ZNF512B: variants seen among roughly 807,000 people sequenced by gnomAD.
ZNF512B encodes the protein zinc finger protein 512B.
In ZNF512B, 22 loss-of-function variants were observed where a neutral mutation model predicts 87.8. The observed-to-expected ratio is 0.25, with a 90% CI of 0.18 to 0.36. The LOEUF is 0.36. Ranked by LOEUF, ZNF512B falls within the 10% of genes least tolerant of loss-of-function variation. The probability of loss-of-function intolerance (pLI) is 1.00; values close to 1 mark genes in which losing one functional copy is unlikely to be tolerated. For synonymous variants in ZNF512B, 524 were observed against 490.9 expected (o/e 1.07, Z -0.89); for missense variants, 1,060 against 1,231.6 (o/e 0.86, Z 2.09).
rs768413532 is a variant in ZNF512B at position 63,963,203 on chromosome 20, C to A, written c.1860G>T (p.Lys620Asn). 1 of 1,546,914 alleles carries A rather than the reference C, an allele frequency of 6.5e-7. No individual in the cohort carries two copies. Among genetic ancestry groups the A allele is most frequent in the Non-Finnish European group, 8.7e-7 (1 of 1,150,208 alleles). The change falls in exon 12 of 17, where the codon AAG becomes AAT. Residue 620 changes from lysine (K) to asparagine (N), a missense_variant. By Grantham distance (94) the Lys-to-Asn change is moderately conservative. Transcript: ENST00000369888. Reference sequence around the variant, plus strand: ...AGGGGCTGTCCACCTCGCAGGGCGGCTTCCCGCAGCGCCGCTGGTGGTACT... The same window carrying A: ...AGGGGCTGTCCACCTCGCAGGGCGGATTCCCGCAGCGCCGCTGGTGGTACT... ...GYQYHQRRCG[K>N]PPCEVDSPSF...
At chr20:63,962,240 C>A in intron 14 of ZNF512B, 33 bp downstream of exon 14, 1 of 1,571,034 alleles carries the variant, frequency 6.4e-7, no homozygotes, top group South Asian at 1.2e-5. Flanking sequence ...CTGTATGGCT[C>A]CCCACGCCCC....
chr20:63,961,886 G>T lies in ZNF512B; in HGVS notation c.2328+56C>A. Reference sequence around the variant, plus strand: ...ACTGTGTGGGAAGCCCGCGTGGGGTGAGCTGGGAGCTCTGAGTGCAGCGCA... The same window carrying T: ...ACTGTGTGGGAAGCCCGCGTGGGGTTAGCTGGGAGCTCTGAGTGCAGCGCA... On this transcript the variant is annotated intron_variant, in intron 15 of 16. Transcript: ENST00000369888. This position sits in a 1 kb window ranked among gnomAD's most constrained non-coding sequence, Gnocchi z 6.4. 3.3e-6 allele frequency: 5 copies of T among 1,533,224 alleles called. No individual in the cohort carries two copies. The allele number at this position is 1,533,224 out of a possible 1,614,324, so 95.0% of individuals were successfully genotyped here. A position where few individuals can be genotyped will look rare whatever the true frequency, so the allele number is the denominator to read the frequency against.
At chr20:63,962,028 G>A (rs372772057) in intron 14 of ZNF512B, 24 bp from the exon 15 acceptor site, 48 of 1,550,302 alleles carry the variant, frequency 3.1e-5, no homozygotes, top group African/African-American at 6.8e-5. Flanking sequence ...AGCCGTGGGC[G>A]AAGGCCTCTG....
At position 63,963,979 on chromosome 20, in the gene ZNF512B, G is replaced by C. The variant is rs779282883; in HGVS notation, c.1481-66C>G. ...CTGGGTGGCCCAGACGCCAGGCACAGAATCCAGTCTCCACACTCAGCCCCC... is the reference window on the plus strand; with the variant it reads ...CTGGGTGGCCCAGACGCCAGGCACACAATCCAGTCTCCACACTCAGCCCCC... On this transcript the variant is annotated intron_variant, in intron 8 of 16. Coordinates refer to ENST00000369888, the MANE Select transcript of ZNF512B (RefSeq NM_020713.3). 1,189 of 1,598,390 alleles carry C rather than the reference G, an allele frequency of 7.4e-4. 1 individual carries two copies. Among genetic ancestry groups the C allele is most frequent in the Non-Finnish European group, 1.0e-3 (1,173 of 1,178,200 alleles).
intron 3 of ZNF512B, 114 bp from the exon 4 acceptor site, chr20:63,967,118 C>T (rs1040266338): frequency 6.0e-6 from 9 of 1,494,224 alleles, no homozygotes; most frequent in Non-Finnish European, 8.1e-6. Context: ...CACATGAGCC[C>T]CTCAACCTCG....
chr20:63,958,080 G>A lies in ZNF512B; in HGVS notation c.*1808C>T, dbSNP rs981079344. 3 of 152,264 alleles carry A rather than the reference G, an allele frequency of 2.0e-5. No homozygotes were observed. The highest frequency in any genetic ancestry group is 2.9e-5 in the Non-Finnish European group (2 of 68,074). 9.4% of individuals were successfully genotyped at this position (152,264 alleles called of 1,614,324 possible). ...GGCACATCTGGCAAGGGCTGCTGAGGGTTGGAGCCTTCTGGCCCAAGGATG... is the reference window on the plus strand; with the variant it reads ...GGCACATCTGGCAAGGGCTGCTGAGAGTTGGAGCCTTCTGGCCCAAGGATG... On this transcript the variant is annotated 3_prime_UTR_variant, in exon 17 of 17. Transcript: ENST00000369888.
At position 63,963,284 on chromosome 20, in the gene ZNF512B, G is replaced by T; in HGVS notation, c.1798-19C>A. ...CGCAACCCTGGGGGTCAGGCCAGAG[G>T]GTGGGTGAGTGGCCAGCAGGGCCCC... On this transcript the variant is annotated intron_variant, in intron 11 of 16. Coordinates refer to ENST00000369888, the MANE Select transcript of ZNF512B (RefSeq NM_020713.3). The T allele has an allele frequency of 6.5e-7, 1 of 1,540,096 alleles. No homozygotes were observed. Among genetic ancestry groups the T allele is most frequent in the Non-Finnish European group, 8.7e-7 (1 of 1,146,256 alleles).
Position 63,966,302 on chromosome 20 carries a change from G to A in ZNF512B, c.873C>T (p.Thr291=). 6.2e-7 allele frequency: 1 copy of A among 1,604,232 alleles called. No individual in the cohort carries two copies. Among genetic ancestry groups the A allele is most frequent in the Non-Finnish European group, 8.5e-7 (1 of 1,172,664 alleles). ...LVTVTKPVPV[T]KPVTVSRPIV... The stretch of plus-strand genomic sequence containing the variant: ...TGGGCCTGCTGACTGTCACTGGCTT[G>A]GTGACCGGCACGGGTTTCGTAACTG... The change falls in exon 5 of 17, where the codon ACC becomes ACT. Residue 291 remains threonine, a synonymous_variant. Transcript: ENST00000369888.
In ZNF512B at chr20:63,964,222, G is replaced by A. The variant is rs371346267; in HGVS notation, c.1334-5C>T. The A allele has an allele frequency of 1.1e-5, 17 of 1,606,404 alleles. No homozygotes were observed. The African/African-American group carries it at 2.1e-4, about 20-fold the overall frequency. ...TGTCCTCAGCTTTGACCAGGCCTGT[G>A]TGCACACATGGGGTGGAGAGAAACA... is the stretch of plus-strand genomic sequence containing the variant. On this transcript the variant is annotated splice_polypyrimidine_tract_variant and splice_region_variant and intron_variant, in intron 7 of 16. Coordinates refer to ENST00000369888, the MANE Select transcript of ZNF512B (RefSeq NM_020713.3).
At position 63,963,710 on chromosome 20, in the gene ZNF512B, G is replaced by A; in HGVS notation, c.1606C>T (p.Leu536Phe). Residue 536 changes from leucine (L) to phenylalanine (F), a missense_variant and splice_region_variant, in exon 10 of 17, where the codon CTT becomes TTT. Around this residue, in one of 9 missense-constraint regions of ZNF512B, gnomAD observed 37 missense variants for 72.6 expected, o/e 0.51. Transcript: ENST00000369888. ...LKKHMEVCQK[L>F]QDALKCQHCR... ...TGCTGGCACTTGAGTGCATCCTGAA[G>A]CTGCAGATGGCCCACATGTGAGAAG... is the stretch of plus-strand genomic sequence containing the variant. 6.2e-7 allele frequency: 1 copy of A among 1,613,304 alleles called. No individual in the cohort carries two copies. The highest frequency in any genetic ancestry group is 8.5e-7 in the Non-Finnish European group (1 of 1,180,028).
intron 1 of ZNF512B, among the ~76,000 whole-genome samples, chr20:63,968,830 G>A (rs2058953270): frequency 6.6e-6 from 1 of 152,260 alleles, no homozygotes; most frequent in Non-Finnish European, 1.5e-5. Flanking sequence ...GCCCAAGGCT[G>A]GGGCCCCCGA....
chr20:63,964,927 T>C (rs1485650872), intron 5 of ZNF512B, among the ~76,000 whole-genome samples: 32 of 41,892 alleles, frequency 7.6e-4, no homozygotes, highest in South Asian at 2.2e-3. Flanking sequence ...CACTGTTCCC[T>C]GACCTGGGAC....
intron 1 of ZNF512B, among the ~76,000 whole-genome samples, chr20:63,968,462 C>G (rs990670205): frequency 3.3e-5 from 5 of 152,190 alleles, no homozygotes; most frequent in African/African-American, 1.2e-4. Flanking sequence ...GGGGGCACAG[C>G]TTCTCACTGG....
chr20:63,969,689 C>T (rs1601490704), intron 1 of ZNF512B, 125 bp downstream of exon 1: 1 of 79,114 alleles, frequency 1.3e-5, no homozygotes, highest in Non-Finnish European at 2.7e-5. Context: ...GGCTCGGGCG[C>T]GGCGGGGGGC....
intron 1 of ZNF512B, among the ~76,000 whole-genome samples, chr20:63,969,442 C>A (rs2058958635): frequency 6.6e-6 from 1 of 151,546 alleles, no homozygotes; most frequent in Non-Finnish European, 1.5e-5. Context: ...CCGTTCGGCC[C>A]GGGACCCCGG....
In ZNF512B at chr20:63,959,653, A is replaced by G; in HGVS notation, c.*235T>C. The G allele has an allele frequency of 1.8e-6, 1 of 553,356 alleles. No homozygotes were observed. The highest frequency in any genetic ancestry group is 3.1e-6 in the Non-Finnish European group (1 of 326,038). The allele number at this position is 553,356 out of a possible 1,614,324, so 34.3% of individuals were successfully genotyped here. On this transcript the variant is annotated 3_prime_UTR_variant, in exon 17 of 17. Transcript: ENST00000369888. ...ATGAGGAGGGGCAACCCTCCTGGCT[A>G]TTGCACTTCTGCTGGGCACACCTTG...
Position 63,966,891 on chromosome 20 carries a change from G to T in ZNF512B, c.378C>A (p.Tyr126Ter), listed in dbSNP as rs2058934324. 6.2e-7 allele frequency: 1 copy of T among 1,613,752 alleles called. No homozygotes were observed. The highest frequency in any genetic ancestry group is 1.7e-5 in the Admixed American group (1 of 60,006). Residue 126 changes from tyrosine to a stop codon, truncating the protein, a stop_gained, in exon 4 of 17, where the codon TAC becomes TAA. Coordinates refer to ENST00000369888, the MANE Select transcript of ZNF512B (RefSeq NM_020713.3). LOFTEE classifies it high-confidence loss of function. ...AGTCCCTTACCCCTTGGCACCGCTG[G>T]TAATGGTACTTGAGCCCGTAGATGC... ...FPSIYGLKYHYQRCQGGAISD... is the reference protein window; with the variant it reads ...FPSIYGLKYH
chr20:63,960,977 G>T (rs1398218582), intron 16 of ZNF512B, among the ~76,000 whole-genome samples: 7 of 148,620 alleles, frequency 4.7e-5, no homozygotes, highest in Non-Finnish European at 7.5e-5. Context: ...ACCTGCAGGG[G>T]GCTGGACACA....
In ZNF512B at chr20:63,966,471, G is replaced by A; in HGVS notation, c.704C>T (p.Pro235Leu). 1 of 1,614,028 alleles carries A rather than the reference G, an allele frequency of 6.2e-7. No individual in the cohort carries two copies. Among genetic ancestry groups the A allele is most frequent in the Non-Finnish European group, 8.5e-7 (1 of 1,180,018 alleles). ...GCTGACTGTGACAGGTTTGGTGACT[G>A]GCACGGGCCTAGTGACCGGGATGGC... ...TKAIPVTRPV[P>L]VTKPVTVSRP... The change falls in exon 5 of 17, where the codon CCA (proline) becomes CTA (leucine). Residue 235 changes from proline (P) to leucine (L), a missense_variant. Around this residue, in one of 9 missense-constraint regions of ZNF512B, gnomAD observed 201 missense variants for 226.8 expected, o/e 0.89. Transcript: ENST00000369888.
Sources: gnomAD v4.1 joint callset for allele counts (sites outside exome capture counted in the v4.1 genomes callset) on GRCh38, gnomAD v4.1.1 for gene constraint, gnomAD v4.1.1 regional missense constraint, Gnocchi (gnomAD v3.1) non-coding constraint, MANE v1.5 for transcripts, NCBI Gene and HGNC (gene_info 2026-07-23, HGNC 2026-07-21) for gene names.